STK36: variants seen among roughly 807,000 people sequenced by gnomAD.
STK36 encodes the protein serine/threonine kinase 36, also known as serine/threonine-protein kinase 36.
STK36 carries 116 observed loss-of-function variants against 142.2 expected under a neutral mutation model. That is an observed-to-expected ratio of 0.82 (90% confidence interval 0.70 to 0.95). The LOEUF is 0.95. Among genes scored for constraint, STK36 ranks in the 40% least tolerant of loss-of-function variants. The pLI is 0.00. For synonymous variants in STK36, 619 were observed against 641.7 expected (o/e 0.96, Z 0.53); for missense variants, 1,422 against 1,617.2 (o/e 0.88, Z 2.07).
intron 26 of STK36, among the ~76,000 whole-genome samples, chr2:218,700,335 C>T (rs112960212): frequency 8.2e-4 from 124 of 152,054 alleles, no homozygotes; most frequent in African/African-American, 2.6e-3. Flanking sequence ...CCTGAGTAGC[C>T]GGGACTATAG....
chr2:218,700,841 GTC>G (rs1345097105), intron 26 of STK36, among the ~76,000 whole-genome samples: 2 of 151,178 alleles, frequency 1.3e-5, no homozygotes, highest in East Asian at 4.1e-4. Context: ...GTGAAACCCT[GTC>G]TCTACTAAAA....
intron 21 of STK36, 126 bp from the exon 22 acceptor site, chr2:218,696,401 A>T (rs1941234370): frequency 2.5e-6 from 2 of 784,830 alleles, no homozygotes; most frequent in Non-Finnish European, 4.4e-6. Context: ...CCCAGGCCCC[A>T]TATATTCTAC....
At chr2:218,693,432 C>T in intron 17 of STK36, 88 bp downstream of exon 17, 1 of 1,290,184 alleles carries the variant, frequency 7.8e-7, no homozygotes. Context: ...GAGAGGAGGA[C>T]TAAAAGAGAG....
intron 11 of STK36, among the ~76,000 whole-genome samples, chr2:218,687,056 ATCT>A (rs1940808218): frequency 6.6e-6 from 1 of 152,218 alleles, no homozygotes; most frequent in African/African-American, 2.4e-5. Context: ...CCATTTGTAT[ATCT>A]TCTTTGGTGA....
At chr2:218,688,016 G>T (rs551076968) in intron 11 of STK36, among the ~76,000 whole-genome samples, 1 of 152,262 alleles carries the variant, frequency 6.6e-6, no homozygotes, top group Non-Finnish European at 1.5e-5. Flanking sequence ...AAATTAGCTA[G>T]GTGTGGTGGT....
chr2:218,695,473 C>T lies in STK36; in HGVS notation c.2511+838C>T, dbSNP rs1358249583. Among the ~76,000 whole-genome samples, 3 of 149,260 alleles carry T rather than the reference C, an allele frequency of 2.0e-5. No homozygotes were observed. In the East Asian group the frequency reaches 5.9e-4, roughly 30 times the overall value. ...ACTCCTGACCTCACATGTGATCCGC[C>T]CACCTCGGCCTCTCAAAGTGCTGGG... On this transcript the variant is annotated intron_variant, in intron 21 of 26. Coordinates refer to ENST00000295709, the MANE Select transcript of STK36 (RefSeq NM_015690.5).
chr2:218,701,923 T>C lies in STK36; in HGVS notation c.3862T>C (p.Ser1288Pro). ...KLSLLSLGNQ[S>P]LPHSSPRPAS... is the part of the protein sequence containing the mutation. ...ATCCTTGCTCTCTCTGGGGAATCAG[T>C]CACTGCCACACAGCAGTCCTAGGCC... Residue 1288 changes from serine (S) to proline (P), a missense_variant, in exon 27 of 27, where the codon TCA becomes CCA. By Grantham distance (74) the Ser-to-Pro change is moderately conservative. Around this residue, in one of 2 missense-constraint regions of STK36, gnomAD observed 962 missense variants for 1,167.5 expected, o/e 0.82. Coordinates refer to ENST00000295709, the MANE Select transcript of STK36 (RefSeq NM_015690.5). 3.7e-6 allele frequency: 6 copies of C among 1,614,156 alleles called. No individual in the cohort carries two copies. The highest frequency in any genetic ancestry group is 1.7e-5 in the Admixed American group (1 of 60,008).
Position 218,702,206 on chromosome 2 carries a change from T to C in STK36, c.*197T>C, listed in dbSNP as rs562165764. The C allele has an allele frequency of 2.6e-4, 156 of 592,012 alleles. No individual in the cohort carries two copies. The highest frequency in any genetic ancestry group is 3.8e-4 in the Non-Finnish European group (144 of 374,682). The allele number at this position is 592,012 out of a possible 1,614,324, so 36.7% of individuals were successfully genotyped here. On this transcript the variant is annotated 3_prime_UTR_variant, in exon 27 of 27. Coordinates refer to ENST00000295709, the MANE Select transcript of STK36 (RefSeq NM_015690.5). ...CCAGATGCAGGATGTTTTCAACCAG[T>C]AAATTTTATTGCTGTTGGTGCCAGA...
In STK36 at chr2:218,676,091, A is replaced by C. The variant is rs754197747; in HGVS notation, c.497A>C (p.Tyr166Ser). 5.6e-6 allele frequency: 9 copies of C among 1,614,052 alleles called. No individual in the cohort carries two copies. The South Asian group carries it at 9.9e-5, about 18-fold the overall frequency. ...VLTSIKGTPL[Y>S]MSPELVEERP... ...ACATCCATCAAAGGCACACCACTCTATATGTCTCCAGAGCTGGTGGAGGAG... is the reference window on the plus strand; with the variant it reads ...ACATCCATCAAAGGCACACCACTCTCTATGTCTCCAGAGCTGGTGGAGGAG... The change falls in exon 6 of 27, where the codon TAT (tyrosine) becomes TCT (serine). Residue 166 changes from tyrosine (Y) to serine (S), a missense_variant. By Grantham distance (144) the Tyr-to-Ser change is moderately radical. Around this residue, in one of 2 missense-constraint regions of STK36, gnomAD observed 460 missense variants for 449.6 expected, o/e 1.02. Coordinates refer to ENST00000295709, the MANE Select transcript of STK36 (RefSeq NM_015690.5).
chr2:218,677,864 C>T (rs1222571918), intron 6 of STK36, among the ~76,000 whole-genome samples: 1 of 152,210 alleles, frequency 6.6e-6, no homozygotes, highest in East Asian at 1.9e-4. Flanking sequence ...GATCTCGGCT[C>T]ACTGCAAGCT....
At chr2:218,673,388 C>T in intron 2 of STK36, 1 of 532,576 alleles carries the variant, frequency 1.9e-6, no homozygotes, top group Non-Finnish European at 3.2e-6. Flanking sequence ...AATCAGAACA[C>T]TTCTTCCAGA....
rs778747212 is a variant in STK36, at chr2:218,693,839, G to A, written c.2247+18G>A. The A allele has an allele frequency of 6.2e-7, 1 of 1,614,034 alleles. No homozygotes were observed. Among genetic ancestry groups the A allele is most frequent in the Non-Finnish European group, 8.5e-7 (1 of 1,180,018 alleles). On this transcript the variant is annotated intron_variant, in intron 18 of 26. Coordinates refer to ENST00000295709, the MANE Select transcript of STK36 (RefSeq NM_015690.5). Reference sequence around the variant, plus strand: ...AGGGCAAGGTAAGCCAGCTTCCCCTGGCAGCCCCACTGTCTCAGCCAGAGG... The same window carrying A: ...AGGGCAAGGTAAGCCAGCTTCCCCTAGCAGCCCCACTGTCTCAGCCAGAGG...
chr2:218,701,241 T>G (rs563929104), intron 26 of STK36, among the ~76,000 whole-genome samples: 16 of 151,280 alleles, frequency 1.1e-4, no homozygotes, highest in African/African-American at 3.9e-4. Context: ...TTCACGCCAT[T>G]CTGCCTCAGC....
intron 21 of STK36, among the ~76,000 whole-genome samples, chr2:218,696,232 G>A (rs576187400): frequency 1.1e-4 from 16 of 152,152 alleles, no homozygotes; most frequent in Non-Finnish European, 2.2e-4. Context: ...ACACACCAAT[G>A]TAATAATACT....
chr2:218,692,720 A>C lies in STK36; in HGVS notation c.2043+10A>C. On this transcript the variant is annotated intron_variant, in intron 16 of 26. Coordinates refer to ENST00000295709, the MANE Select transcript of STK36 (RefSeq NM_015690.5). ...GGATGCCAAGGAGCAGGTCCGAGCT[A>C]CAATTGGTTGTTCCTCTCATCCTAC... The C allele has an allele frequency of 6.2e-7, 1 of 1,608,160 alleles. No homozygotes were observed. The highest frequency in any genetic ancestry group is 8.5e-7 in the Non-Finnish European group (1 of 1,177,758).
chr2:218,680,024 A>C lies in STK36; in HGVS notation c.1080A>C (p.Ser360=). The C allele has an allele frequency of 6.2e-7, 1 of 1,614,198 alleles. No homozygotes were observed. Among genetic ancestry groups the C allele is most frequent in the South Asian group, 1.1e-5 (1 of 91,090 alleles). ...GCCTCCTGGCCGGGATCTTAGCCTCAGAATTGAAGAGCAGCTGGGCTAAAT... is the reference window on the plus strand; with the variant it reads ...GCCTCCTGGCCGGGATCTTAGCCTCCGAATTGAAGAGCAGCTGGGCTAAAT... ...ESSLLAGILA[S]ELKSSWAKSG... Residue 360 remains serine (S), a synonymous_variant, in exon 9 of 27, where the codon TCA becomes TCC. Transcript: ENST00000295709.
chr2:218,672,964 C>G, intron 2 of STK36, 51 bp downstream of exon 2: 1 of 1,521,150 alleles, frequency 6.6e-7, no homozygotes. Context: ...ACCCCCAACT[C>G]CAGTGGAAAA....
At position 218,692,619 on chromosome 2, in the gene STK36, G is replaced by A; in HGVS notation, c.1952G>A (p.Ser651Asn). The A allele has an allele frequency of 1.9e-6, 3 of 1,613,682 alleles. No individual in the cohort carries two copies. The highest frequency in any genetic ancestry group is 2.5e-6 in the Non-Finnish European group (3 of 1,180,018). ...GTGAGCCAGCCACTGCGAGAGCAGA[G>A]TGAGGATATACCTGGAGCCATTTCC... is the stretch of plus-strand genomic sequence containing the variant. ...PQVSQPLREQ[S>N]EDIPGAISSA... Residue 651 changes from serine (S) to asparagine (N), a missense_variant, in exon 16 of 27, where the codon AGT (serine) becomes AAT (asparagine). Around this residue, in one of 2 missense-constraint regions of STK36, gnomAD observed 962 missense variants for 1,167.5 expected, o/e 0.82. Coordinates refer to ENST00000295709, the MANE Select transcript of STK36 (RefSeq NM_015690.5).
intron 6 of STK36, 46 bp downstream of exon 6, chr2:218,676,324 C>T (rs192582286): frequency 1.2e-6 from 2 of 1,601,376 alleles, no homozygotes; most frequent in East Asian, 2.2e-5. Flanking sequence ...AGAAATCTGT[C>T]TCCCTCTATC....
Sources: gnomAD v4.1 joint callset for allele counts (sites outside exome capture counted in the v4.1 genomes callset) on GRCh38, gnomAD v4.1.1 for gene constraint, gnomAD v4.1.1 regional missense constraint, MANE v1.5 for transcripts, NCBI Gene and HGNC (gene_info 2026-07-23, HGNC 2026-07-21) for gene names.